Variants in RIC1 observed in about 807,000 individuals in gnomAD.
The protein encoded by RIC1 is RIC1 partner of RAB6A GEF complex.
RIC1 carries 88 observed loss-of-function variants against 169.0 expected under a neutral mutation model. The observed-to-expected ratio is 0.52, with a 90% CI of 0.44 to 0.62. The LOEUF is 0.62. Ranked by LOEUF, RIC1 falls within the 20% of genes least tolerant of loss-of-function variation. The pLI, the probability that RIC1 is intolerant of heterozygous loss-of-function variation, is 0.00. For missense variants in RIC1, 1,877 were observed against 1,725.5 expected (o/e 1.09, Z -1.56); for synonymous variants, 790 against 601.5 (o/e 1.31, Z -4.59).
intron 3 of RIC1, among the ~76,000 whole-genome samples, chr9:5,698,213 G>T (rs144252829): frequency 6.6e-6 from 1 of 152,286 alleles, no homozygotes; most frequent in African/African-American, 2.4e-5. Context: ...TGTATCACCT[G>T]ATCTAGCCCT....
intron 2 of RIC1, among the ~76,000 whole-genome samples, chr9:5,671,373 C>G (rs1384789659): frequency 2.6e-5 from 4 of 151,712 alleles, no homozygotes; most frequent in African/African-American, 9.7e-5. Flanking sequence ...CTCCCAGGTT[C>G]AAGCAGTTCT....
chr9:5,689,966 A>T lies in RIC1; in HGVS notation c.260A>T (p.Asn87Ile). The T allele has an allele frequency of 6.3e-7, 1 of 1,596,932 alleles. No homozygotes were observed. The highest frequency in any genetic ancestry group is 8.5e-7 in the Non-Finnish European group (1 of 1,170,504). The change falls in exon 3 of 26, where the codon AAT (asparagine) becomes ATT (isoleucine). Residue 87 changes from asparagine (N) to isoleucine (I), a missense_variant. This residue lies in a region of RIC1 where 1,104 missense variants were observed against 992.0 expected (regional missense o/e 1.11). Transcript: ENST00000414202. ...ATAAAATTTCTCTTTCAGACGGCAA[A>T]TGGATACATCTTGTTTTTTCATATT... is the stretch of plus-strand genomic sequence containing the variant. The part of the protein sequence containing the change: ...DSTMIAVSTA[N>I]GYILFFHITS...
chr9:5,764,140 AT>A (rs1320203764), intron 19 of RIC1, among the ~76,000 whole-genome samples: 1 of 152,236 alleles, frequency 6.6e-6, no homozygotes, highest in Non-Finnish European at 1.5e-5. Context: ...AAGAAATTTA[AT>A]ATGTATATTA....
intron 2 of RIC1, among the ~76,000 whole-genome samples, chr9:5,676,724 C>G (rs540231281): frequency 6.7e-4 from 102 of 152,352 alleles, no homozygotes; most frequent in Non-Finnish European, 1.2e-3. Flanking sequence ...CCACCTCTCT[C>G]AAAACCAACG....
chr9:5,670,718 G>T (rs1820038144), intron 2 of RIC1, among the ~76,000 whole-genome samples: 1 of 152,194 alleles, frequency 6.6e-6, no homozygotes, highest in Non-Finnish European at 1.5e-5. Context: ...GAATACAATT[G>T]ATTTATCAAG....
chr9:5,636,400 G>C (rs569190102), intron 1 of RIC1, among the ~76,000 whole-genome samples: 1 of 152,006 alleles, frequency 6.6e-6, no homozygotes, highest in South Asian at 2.1e-4. Flanking sequence ...ACTCACTGCA[G>C]CCTCTGCCTC....
chr9:5,746,938 C>T (rs1220206361), intron 11 of RIC1, among the ~76,000 whole-genome samples: 2 of 152,078 alleles, frequency 1.3e-5, no homozygotes, highest in Non-Finnish European at 2.9e-5. Context: ...CTTCCCCATC[C>T]CAAATAATAA....
intron 3 of RIC1, among the ~76,000 whole-genome samples, chr9:5,695,383 T>A (rs1821828004): frequency 6.6e-6 from 1 of 152,270 alleles, no homozygotes; most frequent in Middle Eastern, 3.4e-3. Context: ...CCCGCTTTTT[T>A]CTTCCAGTAA....
intron 2 of RIC1, among the ~76,000 whole-genome samples, chr9:5,676,021 A>G (rs1038682614): frequency 6.6e-6 from 1 of 152,218 alleles, no homozygotes; most frequent in Non-Finnish European, 1.5e-5. Context: ...GGCCTAGGCC[A>G]TGCTAACTTT....
chr9:5,647,694 A>G (rs927424380), intron 1 of RIC1, among the ~76,000 whole-genome samples: 2 of 152,216 alleles, frequency 1.3e-5, no homozygotes, highest in African/African-American at 2.4e-5. Context: ...ATCTTCAAAC[A>G]TATAATTTTA....
intron 2 of RIC1, among the ~76,000 whole-genome samples, chr9:5,681,650 C>G (rs1820846492): frequency 6.6e-6 from 1 of 152,168 alleles, no homozygotes; most frequent in South Asian, 2.1e-4. Context: ...CTGTAGATGT[C>G]TATTAGGTCT....
chr9:5,777,730 G>A (rs185057629), downstream of RIC1, among the ~76,000 whole-genome samples: 815 of 152,238 alleles, frequency 5.4e-3, 8 homozygotes, highest in Non-Finnish European at 5.8e-3. Context: ...TCAATTGTCA[G>A]AGCACCATTT....
chr9:5,778,270 A>G (rs191477157), downstream of RIC1, among the ~76,000 whole-genome samples: 64 of 152,344 alleles, frequency 4.2e-4, no homozygotes, highest in Middle Eastern at 3.4e-3. Flanking sequence ...TGCATCATGC[A>G]ACATCAAACT....
At chr9:5,743,119 C>A in intron 9 of RIC1, 106 bp downstream of exon 9, 4 of 997,610 alleles carry the variant, frequency 4.0e-6, no homozygotes, top group Non-Finnish European at 5.9e-6. Context: ...TTGACTCTTA[C>A]CTTAAAACAA....
At position 5,772,934 on chromosome 9, in the gene RIC1, G is replaced by T; in HGVS notation, c.3837G>T (p.Trp1279Cys). ...HIFMEAGCLD[W>C]CIVIGLILRE... is the part of the protein sequence containing the mutation. Reference sequence around the variant, plus strand: ...TCATGGAGGCAGGGTGCCTAGACTGGTGCATCGTTATAGGCCTGATTCTTA... The same window carrying T: ...TCATGGAGGCAGGGTGCCTAGACTGTTGCATCGTTATAGGCCTGATTCTTA... The change falls in exon 25 of 26, where the codon TGG becomes TGT. Residue 1279 changes from tryptophan to cysteine, a missense_variant. By Grantham distance (215) the Trp-to-Cys change is radical. This residue lies in a region of RIC1 where 681 missense variants were observed against 582.0 expected (regional missense o/e 1.17). Transcript: ENST00000414202. 1 of 1,613,678 alleles carries T rather than the reference G, an allele frequency of 6.2e-7. No individual in the cohort carries two copies. The highest frequency in any genetic ancestry group is 1.3e-5 in the African/African-American group (1 of 74,996).
intron 2 of RIC1, among the ~76,000 whole-genome samples, chr9:5,664,425 T>G (rs1160522562): frequency 6.6e-6 from 1 of 151,668 alleles, no homozygotes; most frequent in Non-Finnish European, 1.5e-5. Context: ...AAAAAAAGAA[T>G]GTTTAATATT....
chr9:5,759,294 A>G (rs1352736405), intron 17 of RIC1, among the ~76,000 whole-genome samples: 2 of 152,220 alleles, frequency 1.3e-5, no homozygotes, highest in Non-Finnish European at 2.9e-5. Context: ...GTGATATAAC[A>G]TGAAGTTCAC....
chr9:5,726,532 C>T (rs187776036), intron 6 of RIC1, among the ~76,000 whole-genome samples: 21 of 152,208 alleles, frequency 1.4e-4, no homozygotes, highest in Admixed American at 5.9e-4. Flanking sequence ...GTCTTTTAAT[C>T]GGAGCATTTA....
chr9:5,635,760 G>A lies in RIC1; in HGVS notation c.144+6307G>A, dbSNP rs34561899. On this transcript the variant is annotated intron_variant, in intron 1 of 25. Coordinates refer to ENST00000414202, the MANE Select transcript of RIC1 (RefSeq NM_020829.4). The stretch of plus-strand genomic sequence containing the variant: ...TGTTCTTGTGATAGTAAGTTCTCAC[G>A]AGATCTGATGGTTTTATAAGTGTTT... Among the ~76,000 whole-genome samples the A allele has an allele frequency of 1.1e-3, 169 of 152,242 alleles. 3 individuals carry two copies. Among genetic ancestry groups the A allele is most frequent in the Admixed American group, 0.01 (157 of 15,294 alleles).
Sources: gnomAD v4.1 joint callset for allele counts (sites outside exome capture counted in the v4.1 genomes callset) on GRCh38, gnomAD v4.1.1 for gene constraint, gnomAD v4.1.1 regional missense constraint, MANE v1.5 for transcripts, NCBI Gene and HGNC (gene_info 2026-07-23, HGNC 2026-07-21) for gene names.